MAGI2: variants seen among roughly 807,000 people sequenced by gnomAD.
MAGI2 encodes the protein membrane associated guanylate kinase, WW and PDZ domain containing 2, also known as membrane-associated guanylate kinase, WW and PDZ domain-containing protein 2.
MAGI2 carries 35 observed loss-of-function variants against 133.3 expected under a neutral mutation model. The observed-to-expected ratio is 0.26, with a 90% CI of 0.20 to 0.35. The LOEUF (loss-of-function observed/expected upper bound fraction) is 0.35. MAGI2 is among the 10% of genes least tolerant of loss of function. The pLI is 1.00. For synonymous variants in MAGI2, 729 were observed against 710.6 expected, an observed-to-expected ratio of 1.03 and a Z score of -0.41; for missense variants, 1,636 against 1,863.4, an observed-to-expected ratio of 0.88 and a Z score of 2.25.
At chr7:79,390,408 G>C (rs1442688462) in intron 1 of MAGI2, among the ~76,000 whole-genome samples, 2 of 152,168 alleles carry the variant, frequency 1.3e-5, no homozygotes, top group Non-Finnish European at 2.9e-5. Context: ...TTCAAAAAAA[G>C]AGTAAATATT....
chr7:78,287,867 T>C (rs145545366), intron 9 of MAGI2, among the ~76,000 whole-genome samples: 2 of 152,318 alleles, frequency 1.3e-5, no homozygotes, highest in East Asian at 3.9e-4. Context: ...ACAATTATAA[T>C]AGATTCAGCA....
intron 2 of MAGI2, among the ~76,000 whole-genome samples, chr7:78,652,387 C>T (rs1811675538): frequency 6.6e-6 from 1 of 152,064 alleles, no homozygotes; most frequent in East Asian, 1.9e-4. Context: ...CACTACAAGG[C>T]TACAGTAATG....
At chr7:78,559,298 T>C (rs1800177325) in intron 3 of MAGI2, among the ~76,000 whole-genome samples, 1 of 150,546 alleles carries the variant, frequency 6.6e-6, no homozygotes, top group Non-Finnish European at 1.5e-5. Flanking sequence ...TTCTTCTCAC[T>C]ACCCCTTGGT....
chr7:78,150,932 A>G (rs1044700213), intron 16 of MAGI2, among the ~76,000 whole-genome samples: 1 of 152,114 alleles, frequency 6.6e-6, no homozygotes, highest in African/African-American at 2.4e-5. Flanking sequence ...CTTATTCTAC[A>G]ATATAAAGAT....
intron 1 of MAGI2, among the ~76,000 whole-genome samples, chr7:79,070,720 T>C (rs1053193731): frequency 6.6e-6 from 1 of 151,984 alleles, no homozygotes. Context: ...CTCGAGCTCC[T>C]GACCTTGTGA....
chr7:78,977,226 T>G (rs2116099654), intron 2 of MAGI2, among the ~76,000 whole-genome samples: 1 of 151,740 alleles, frequency 6.6e-6, no homozygotes, highest in African/African-American at 2.4e-5. Flanking sequence ...AGTGTAATAT[T>G]GGCAAAAGAG....
chr7:78,298,135 T>C (rs1180413605), intron 9 of MAGI2, among the ~76,000 whole-genome samples: 2 of 152,146 alleles, frequency 1.3e-5, no homozygotes, highest in African/African-American at 4.8e-5. Context: ...AGTATAATCA[T>C]GAGCAAAACA....
intron 2 of MAGI2, among the ~76,000 whole-genome samples, chr7:78,681,870 A>G (rs1050867051): frequency 6.6e-5 from 10 of 152,186 alleles, no homozygotes; most frequent in African/African-American, 2.4e-4. Flanking sequence ...GCATTAATTT[A>G]GAAACTTCAG....
At chr7:79,123,650 G>T (rs1357681430) in intron 1 of MAGI2, among the ~76,000 whole-genome samples, 1 of 151,800 alleles carries the variant, frequency 6.6e-6, no homozygotes, top group Non-Finnish European at 1.5e-5. Flanking sequence ...GCCAGGCGTG[G>T]TGGGGTGTGC....
intron 1 of MAGI2, among the ~76,000 whole-genome samples, chr7:79,073,453 G>A (rs1815179892): frequency 1.3e-5 from 2 of 152,094 alleles, no homozygotes; most frequent in African/African-American, 4.8e-5. Flanking sequence ...ATTTCAGTTT[G>A]GATAACGAGT....
At chr7:78,293,451 A>T (rs569120068) in intron 9 of MAGI2, among the ~76,000 whole-genome samples, 9 of 152,296 alleles carry the variant, frequency 5.9e-5, no homozygotes, top group African/African-American at 2.2e-4. Context: ...GCTGGAGAGG[A>T]TGTGGAGAAA....
intron 2 of MAGI2, among the ~76,000 whole-genome samples, chr7:78,852,196 A>G (rs73706622): frequency 0.025 from 3,810 of 152,098 alleles, 170 homozygotes; most frequent in African/African-American, 0.088. Flanking sequence ...TTATTGCCCC[A>G]TTGCTTTTCT....
At chr7:79,202,461 C>T (rs998284052) in intron 1 of MAGI2, among the ~76,000 whole-genome samples, 4 of 151,858 alleles carry the variant, frequency 2.6e-5, no homozygotes, top group Admixed American at 1.3e-4. Flanking sequence ...ATAGTTTTAG[C>T]ATAAGGTATA....
intron 9 of MAGI2, 36 bp from the exon 10 acceptor site, chr7:78,256,617 G>A: frequency 1.3e-6 from 2 of 1,544,202 alleles, no homozygotes; most frequent in Non-Finnish European, 1.8e-6. Flanking sequence ...CATGAGGTAA[G>A]TTCAATTAAC....
chr7:78,605,353 G>A (rs559756487), intron 3 of MAGI2, among the ~76,000 whole-genome samples: 5 of 152,298 alleles, frequency 3.3e-5, no homozygotes, highest in African/African-American at 7.2e-5. Flanking sequence ...GCAACTGGGT[G>A]GAGAAGAATT....
chr7:78,933,020 T>G (rs1800251857), intron 2 of MAGI2, among the ~76,000 whole-genome samples: 1 of 152,092 alleles, frequency 6.6e-6, no homozygotes, highest in Admixed American at 6.6e-5. Context: ...CTTGCTATTT[T>G]CAAGGAGTAA....
At chr7:79,146,949 TC>T (rs1217103746) in intron 1 of MAGI2, among the ~76,000 whole-genome samples, 1 of 152,230 alleles carries the variant, frequency 6.6e-6, no homozygotes, top group Admixed American at 6.5e-5. Flanking sequence ...TGGCTCAACC[TC>T]TTACCCGAAG....
intron 1 of MAGI2, among the ~76,000 whole-genome samples, chr7:79,356,277 T>C (rs985108487): frequency 3.9e-5 from 6 of 152,088 alleles, no homozygotes; most frequent in African/African-American, 1.4e-4. Flanking sequence ...TTCTGTTGAG[T>C]TCTTATTCTG....
chr7:78,059,777 A>ATATATATATT (rs368179491), intron 21 of MAGI2, among the ~76,000 whole-genome samples: 1 of 146,086 alleles, frequency 6.8e-6, no homozygotes, highest in African/African-American at 2.5e-5. Flanking sequence ...ATATATATAT[A>ATATATATATT]TTTTTTTTCT....
Sources: allele counts gnomAD v4.1 joint callset (sites outside exome capture counted in the v4.1 genomes callset), GRCh38; gene constraint gnomAD v4.1.1; transcripts MANE v1.5; gene names NCBI Gene and HGNC (gene_info 2026-07-23, HGNC 2026-07-21).